Variants in TTN observed in about 807,000 individuals in gnomAD.
The protein encoded by TTN is connectin.
A neutral mutation model predicts 3,223.0 loss-of-function variants in TTN; 1,525 were observed. The observed-to-expected ratio is 0.47, with a 90% CI of 0.45 to 0.49. The LOEUF (loss-of-function observed/expected upper bound fraction) is 0.49, where lower values mean the gene tolerates loss of function less well. TTN is among the 20% of genes least tolerant of loss of function. TTN has a pLI of 0.00. For synonymous variants in TTN, 14,094 were observed against 15,161.0 expected (o/e 0.93, Z 5.17); for missense variants, 40,786 against 43,424.0 (o/e 0.94, Z 5.40).
At chr2:178,719,501 C>T (rs2154300111) in intron 82 of TTN, 50 bp from the exon 83 acceptor site, 6 of 1,586,444 alleles carry the variant, frequency 3.8e-6, no homozygotes, top group Non-Finnish European at 5.1e-6. Context: ...TTATTCTGTG[C>T]CCCTCCACCC....
At chr2:178,675,854 G>C (rs752960531) in intron 148 of TTN, 67 bp downstream of exon 148, 87 of 1,550,134 alleles carry the variant, frequency 5.6e-5, no homozygotes, top group Non-Finnish European at 7.4e-5. Flanking sequence ...ACGGAAACAG[G>C]ACATTTTGAC....
At chr2:178,630,429 G>C (rs2059663081) in intron 238 of TTN, 62 bp from the exon 239 acceptor site, 2 of 1,510,448 alleles carry the variant, frequency 1.3e-6, no homozygotes, top group African/African-American at 1.4e-5. Flanking sequence ...TTTGTTCTAA[G>C]GATAGATTAT....
intron 81 of TTN, 32 bp from the exon 82 acceptor site, chr2:178,719,864 A>T: frequency 1.3e-6 from 2 of 1,578,618 alleles, no homozygotes; most frequent in Non-Finnish European, 1.7e-6. Flanking sequence ...ATTGAAAACA[A>T]AGTAACCTTT....
At chr2:178,595,917 G>A in intron 294 of TTN, 108 bp from the exon 295 acceptor site, 1 of 1,097,482 alleles carries the variant, frequency 9.1e-7, no homozygotes, top group South Asian at 1.6e-5. Context: ...AGAAAGTAAG[G>A]TTTTGTGTCT....
At position 178,610,403 on chromosome 2, in the gene TTN, G is replaced by A; in HGVS notation, c.51137-14C>T. ...GTCCAGGTAGGCCTATTACAAAAATGGATAATTATTCTAGTAATCCTGAAA... is the reference window on the plus strand; with the variant it reads ...GTCCAGGTAGGCCTATTACAAAAATAGATAATTATTCTAGTAATCCTGAAA... On this transcript the variant is annotated splice_polypyrimidine_tract_variant and intron_variant, in intron 270 of 362. Transcript: ENST00000589042. The A allele has an allele frequency of 6.2e-7, 1 of 1,603,730 alleles. No homozygotes were observed. The highest frequency in any genetic ancestry group is 8.5e-7 in the Non-Finnish European group (1 of 1,176,830).
Position 178,537,779 on chromosome 2 carries a change from T to C in TTN, c.99428A>G (p.Gln33143Arg). 1 of 1,613,768 alleles carries C rather than the reference T, an allele frequency of 6.2e-7. No individual in the cohort carries two copies. Among genetic ancestry groups the C allele is most frequent in the Non-Finnish European group, 8.5e-7 (1 of 1,179,762 alleles). ...TGAAGACATTTTGTATTTCCGGCTTTGTATGAGCTCTTTACCAAATCTGTA... is the reference window on the plus strand; with the variant it reads ...TGAAGACATTTTGTATTTCCGGCTTCGTATGAGCTCTTTACCAAATCTGTA... The part of the protein sequence containing the change: ...KWYRFGKELI[Q>R]SRKYKMSSDG... The change falls in exon 355 of 363, where the codon CAA becomes CGA. Residue 33143 changes from glutamine (Q) to arginine (R), a missense_variant. Gln to Arg is a conservative substitution (Grantham distance 43, BLOSUM62 1). Transcript: ENST00000589042.
chr2:178,536,504 G>A lies in TTN; in HGVS notation c.100243C>T (p.Pro33415Ser). Residue 33415 changes from proline to serine, a missense_variant, in exon 357 of 363, where the codon CCA becomes TCA. Transcript: ENST00000589042. ...TKDSCVVAWK[P>S]PASDGGAKIR... ...TTTGCACCTCCATCACTGGCAGGTG[G>A]CTTCCAGGCCACAACACAAGAATCT... is the stretch of plus-strand genomic sequence containing the variant. 6.4e-7 allele frequency: 1 copy of A among 1,560,138 alleles called. No homozygotes were observed. The highest frequency in any genetic ancestry group is 8.7e-7 in the Non-Finnish European group (1 of 1,154,060).
Position 178,571,420 on chromosome 2 carries a change from A to G in TTN, c.74712T>C (p.Tyr24904=). The part of the protein sequence containing the change: ...YLNSEPTVAQ[Y]PFKVPGPPGT... ...CAGGAGGACCAGGAACTTTGAATGGATATTGGGCTACAGTAGGCTCTGAAT... is the reference window on the plus strand; with the variant it reads ...CAGGAGGACCAGGAACTTTGAATGGGTATTGGGCTACAGTAGGCTCTGAAT... The change falls in exon 326 of 363, where the codon TAT becomes TAC. Residue 24904 remains tyrosine (Y), a synonymous_variant. Transcript: ENST00000589042. The G allele has an allele frequency of 6.2e-7, 1 of 1,613,362 alleles. No homozygotes were observed.
intron 44 of TTN, among the ~76,000 whole-genome samples, chr2:178,758,291 G>T (rs1561107089): frequency 6.6e-6 from 1 of 152,032 alleles, no homozygotes; most frequent in African/African-American, 2.4e-5. Context: ...ATAAGGTTAA[G>T]AAAAAAATAG....
intron 157 of TTN, 72 bp from the exon 158 acceptor site, chr2:178,669,747 G>A: frequency 6.7e-7 from 1 of 1,489,946 alleles, no homozygotes; most frequent in South Asian, 1.2e-5. Context: ...AGCCTAGAAG[G>A]GGCATCTAAC....
At chr2:178,799,933 G>A (rs1423476597) in intron 4 of TTN, 23 bp from the exon 5 acceptor site, 1 of 1,610,846 alleles carries the variant, frequency 6.2e-7, no homozygotes, top group Non-Finnish European at 8.5e-7. Context: ...AAAGATGAAT[G>A]TTTGGGAGGG....
rs771229724 is a variant in TTN, at chr2:178,722,509, CTTTAAT to C, written c.22272_22277del (p.Leu7425_Lys7426del). 6.2e-7 allele frequency: 1 copy of C among 1,612,600 alleles called. No individual in the cohort carries two copies. Among genetic ancestry groups the C allele is most frequent in the African/African-American group, 1.3e-5 (1 of 74,820 alleles). On this transcript the variant is annotated inframe_deletion, in exon 77 of 363. Coordinates refer to ENST00000589042, the MANE Select transcript of TTN (RefSeq NM_001267550.2). ...GTAACCCCACAGTTTGTTCAATGTC[CTTTAAT>C]TGTCTTGCAAAAGAAGGTGGGAGTT... is the stretch of plus-strand genomic sequence containing the variant.
intron 12 of TTN, among the ~76,000 whole-genome samples, 187 bp from the exon 13 acceptor site, chr2:178,789,684 A>G (rs2093385775): frequency 6.6e-6 from 1 of 152,166 alleles, no homozygotes; most frequent in African/African-American, 2.4e-5. Context: ...AATGTTAGCT[A>G]TTAAAAAACC....
At chr2:178,583,314 C>T (rs1281686382) in intron 312 of TTN, 87 bp from the exon 313 acceptor site, 2 of 1,246,324 alleles carry the variant, frequency 1.6e-6, no homozygotes, top group Non-Finnish European at 2.1e-6. Context: ...TCATATGCTG[C>T]TTCTTTCAAG....
chr2:178,533,819 T>A lies in TTN; in HGVS notation c.102796A>T (p.Asn34266Tyr). 3 of 1,613,998 alleles carry A rather than the reference T, an allele frequency of 1.9e-6. No homozygotes were observed. Among genetic ancestry groups the A allele is most frequent in the Non-Finnish European group, 2.5e-6 (3 of 1,179,876 alleles). ...TTTTCACCTACATAAGCTGTCTTATTATAGAGAGGCAGGGTAAATTCTGGT... is the reference window on the plus strand; with the variant it reads ...TTTTCACCTACATAAGCTGTCTTATAATAGAGAGGCAGGGTAAATTCTGGT... ...RPPEFTLPLYNKTAYVGENVR... is the reference protein window; with the variant it reads ...RPPEFTLPLYYKTAYVGENVR... The change falls in exon 358 of 363, where the codon AAT becomes TAT. Residue 34266 changes from asparagine (N) to tyrosine (Y), a missense_variant. Physicochemically the swap from Asn to Tyr is moderately radical, Grantham distance 143. Transcript: ENST00000589042.
At chr2:178,683,360 T>C (rs1239910348) in intron 133 of TTN, 69 bp from the exon 134 acceptor site, 2 of 960,762 alleles carry the variant, frequency 2.1e-6, no homozygotes, top group Non-Finnish European at 3.1e-6. Context: ...AGAAATTTTG[T>C]TCAAACAATT....
chr2:178,572,903 G>A lies in TTN; in HGVS notation c.73229C>T (p.Pro24410Leu), dbSNP rs368510432. The part of the protein sequence containing the change: ...YAMNSEGLGE[P>L]ALVPGTPKAE... The stretch of plus-strand genomic sequence containing the variant: ...CTTTGGAGTTCCAGGAACAAGGGCA[G>A]GTTCCCCAAGTCCTTCGGAATTCAT... The change falls in exon 326 of 363, where the codon CCT (proline) becomes CTT (leucine). Residue 24410 changes from proline (P) to leucine (L), a missense_variant. Transcript: ENST00000589042. 2 of 1,613,270 alleles carry A rather than the reference G, an allele frequency of 1.2e-6. No homozygotes were observed. The highest frequency in any genetic ancestry group is 1.7e-6 in the Non-Finnish European group (2 of 1,179,596).
rs781129385 is a variant in TTN, at chr2:178,651,984, T to A, written c.39296-17A>T. ...CCTCGAACACTTTAAAGACATGAGC[T>A]CATTTTAATGCCAGAATTGACTAAA... On this transcript the variant is annotated splice_polypyrimidine_tract_variant and intron_variant, in intron 204 of 362. Coordinates refer to ENST00000589042, the MANE Select transcript of TTN (RefSeq NM_001267550.2). 1.2e-6 allele frequency: 2 copies of A among 1,610,948 alleles called. No homozygotes were observed. Among genetic ancestry groups the A allele is most frequent in the Non-Finnish European group, 1.7e-6 (2 of 1,178,476 alleles).
Position 178,564,980 on chromosome 2 carries a change from T to C in TTN, c.81152A>G (p.Asn27051Ser), listed in dbSNP as rs1235989659. ...TEYQFRIFAENRYGKSAPLDS... is the reference protein window; with the variant it reads ...TEYQFRIFAESRYGKSAPLDS... ...CAGTGGGGCACTTTTTCCATACCTG[T>C]TTTCAGCAAAAATTCTAAACTGGTA... is the stretch of plus-strand genomic sequence containing the variant. The change falls in exon 326 of 363, where the codon AAC becomes AGC. Residue 27051 changes from asparagine to serine, a missense_variant. Physicochemically the swap from Asn to Ser is conservative, Grantham distance 46 (BLOSUM62 1). Transcript: ENST00000589042. 1.9e-6 allele frequency: 3 copies of C among 1,612,076 alleles called. No individual in the cohort carries two copies. Among genetic ancestry groups the C allele is most frequent in the Non-Finnish European group, 2.5e-6 (3 of 1,179,114 alleles).
Sources: gnomAD v4.1 joint callset for allele counts (sites outside exome capture counted in the v4.1 genomes callset) on GRCh38, gnomAD v4.1.1 for gene constraint, MANE v1.5 for transcripts, NCBI Gene and HGNC (gene_info 2026-07-23, HGNC 2026-07-21) for gene names.